GRK4: variants seen among roughly 807,000 people sequenced by gnomAD.
GRK4 encodes G protein-coupled receptor kinase 2-like.
Under a neutral mutation model 77.9 loss-of-function variants are expected in GRK4, and 73 were observed. That is an observed-to-expected ratio of 0.94 (90% confidence interval 0.78 to 1.14). The LOEUF (loss-of-function observed/expected upper bound fraction) is 1.14. GRK4 is among the 50% of genes most tolerant of loss of function. The pLI is 0.00. For synonymous variants in GRK4, 257 were observed against 254.4 expected, an observed-to-expected ratio of 1.01 and a Z score of -0.10; for missense variants, 729 against 700.2, an observed-to-expected ratio of 1.04 and a Z score of -0.46.
chr4:3,029,516 C>T (rs1738543961), intron 12 of GRK4, 107 bp downstream of exon 12: 10 of 887,376 alleles, frequency 1.1e-5, no homozygotes, highest in Non-Finnish European at 1.4e-5. Context: ...TCAGCAAGTC[C>T]TGGTCACCCA....
intron 1 of GRK4, among the ~76,000 whole-genome samples, chr4:2,969,845 T>C (rs1718954350): frequency 1.3e-5 from 2 of 151,988 alleles, no homozygotes; most frequent in Admixed American, 1.3e-4. Context: ...GCACAGATAA[T>C]TTTGTGGTTT....
chr4:3,036,511 C>T (rs1314520958), intron 13 of GRK4, among the ~76,000 whole-genome samples: 2 of 152,240 alleles, frequency 1.3e-5, no homozygotes, highest in African/African-American at 2.4e-5. Context: ...ACTGCGGGTG[C>T]CTCCGGCATG....
At chr4:2,975,609 T>A (rs1286080507) in intron 1 of GRK4, among the ~76,000 whole-genome samples, 1 of 152,086 alleles carries the variant, frequency 6.6e-6, no homozygotes, top group African/African-American at 2.4e-5. Flanking sequence ...CCAGGACATT[T>A]TCCTCCTTGA....
intron 4 of GRK4, among the ~76,000 whole-genome samples, chr4:2,998,720 G>A (rs1202392418): frequency 1.3e-5 from 2 of 152,040 alleles, no homozygotes; most frequent in Non-Finnish European, 2.9e-5. Context: ...AAGATCTCAA[G>A]AAATGGAAAG....
At position 3,027,952 on chromosome 4, in the gene GRK4, C is replaced by T. The variant is rs771525771; in HGVS notation, c.1011C>T (p.Ile337=). 6.2e-7 allele frequency: 1 copy of T among 1,614,056 alleles called. No individual in the cohort carries two copies. The highest frequency in any genetic ancestry group is 1.1e-5 in the South Asian group (1 of 91,056). The change falls in exon 11 of 16, where the codon ATC becomes ATT. Residue 337 remains isoleucine (I), a synonymous_variant. Transcript: ENST00000398052. ...CAGACCTCGGTTTGGCCACAGAGAT[C>T]CCAGAAGGACAGAGGGTTCGAGGAA... ...RISDLGLATE[I]PEGQRVRGRV... is the part of the protein sequence containing the mutation.
intron 10 of GRK4, among the ~76,000 whole-genome samples, chr4:3,026,359 C>A (rs1050157863): frequency 6.6e-6 from 1 of 151,960 alleles, no homozygotes; most frequent in African/African-American, 2.4e-5. Flanking sequence ...TTTAAAAATC[C>A]ATTTTTATAA....
At chr4:2,992,837 A>G (rs1726674832) in intron 4 of GRK4, among the ~76,000 whole-genome samples, 1 of 151,792 alleles carries the variant, frequency 6.6e-6, no homozygotes, top group Admixed American at 6.6e-5. Context: ...AAAAAAAATT[A>G]GCTAAGCATG....
chr4:3,035,024 G>A (rs901812106), intron 12 of GRK4, among the ~76,000 whole-genome samples: 7 of 152,214 alleles, frequency 4.6e-5, no homozygotes, highest in South Asian at 2.1e-4. Flanking sequence ...TTGGGAGGTC[G>A]AGGCGGGTGG....
chr4:3,034,685 C>A (rs190682966), intron 12 of GRK4, among the ~76,000 whole-genome samples: 3 of 152,148 alleles, frequency 2.0e-5, no homozygotes, highest in Admixed American at 6.6e-5. Context: ...TACTAGAATA[C>A]CAAAATATTA....
At chr4:2,983,675 T>C (rs1444702909) in intron 1 of GRK4, among the ~76,000 whole-genome samples, 1 of 152,162 alleles carries the variant, frequency 6.6e-6, no homozygotes, top group Non-Finnish European at 1.5e-5. Context: ...ACTATATGAT[T>C]AGCATTTTTT....
chr4:2,974,892 A>G (rs1215877296), intron 1 of GRK4, among the ~76,000 whole-genome samples: 1 of 152,224 alleles, frequency 6.6e-6, no homozygotes, highest in African/African-American at 2.4e-5. Context: ...ACTCTGCATA[A>G]TGGGAGTGCG....
Position 3,001,089 on chromosome 4 carries a change from A to ATATATATATATGTGTG in GRK4, c.340-3141_340-3140insATATATATATGTGTGT. Among the ~76,000 whole-genome samples, 143 of 82,404 alleles carry ATATATATATATGTGTG rather than the reference A, an allele frequency of 1.7e-3. 18 individuals are homozygous for ATATATATATATGTGTG. Among genetic ancestry groups the ATATATATATATGTGTG allele is most frequent in the African/African-American group, 7.2e-3 (124 of 17,192 alleles). The allele number at this position is 82,404 out of a possible 152,430, so 54.1% of individuals were successfully genotyped here. A position where few individuals can be genotyped will look rare whatever the true frequency, so the allele number is the denominator to read the frequency against. ...TAAATGAGACTATATATATATATAT[A>ATATATATATATGTGTG]TGTGTGTGTGTGTGTGTATATATAT... On this transcript the variant is annotated intron_variant, in intron 4 of 15. Coordinates refer to ENST00000398052, the MANE Select transcript of GRK4 (RefSeq NM_182982.3).
intron 11 of GRK4, among the ~76,000 whole-genome samples, chr4:3,028,569 C>A (rs558893944): frequency 5.9e-5 from 9 of 152,190 alleles, no homozygotes; most frequent in African/African-American, 2.2e-4. Flanking sequence ...GGAGGTGGAG[C>A]CTTCCCTAGA....
At chr4:2,981,210 C>G (rs1265888472) in intron 1 of GRK4, among the ~76,000 whole-genome samples, 1 of 152,240 alleles carries the variant, frequency 6.6e-6, no homozygotes, top group African/African-American at 2.4e-5. Context: ...CTCTTATCTC[C>G]TCTCTTCTCT....
chr4:2,987,240 T>C (rs147917618), intron 2 of GRK4: 196 of 435,206 alleles, frequency 4.5e-4, no homozygotes, highest in African/African-American at 3.4e-3. Context: ...ACAGGCTTTT[T>C]TTACGTAGCA....
chr4:2,965,822 T>C (rs933019442), intron 1 of GRK4: 4 of 260,052 alleles, frequency 1.5e-5, no homozygotes, highest in African/African-American at 4.4e-5. Context: ...GCAGTATGCG[T>C]TCTCAGCAGC....
At chr4:3,028,065 A>G (rs1738090581) in intron 11 of GRK4, 64 bp downstream of exon 11, 1 of 1,409,544 alleles carries the variant, frequency 7.1e-7, no homozygotes, top group Admixed American at 1.7e-5. Context: ...CTCAGAACAC[A>G]GAGAAATCCA....
chr4:3,012,169 C>T (rs1331924780), intron 7 of GRK4, among the ~76,000 whole-genome samples: 2 of 152,058 alleles, frequency 1.3e-5, no homozygotes, highest in South Asian at 2.1e-4. Flanking sequence ...TTTAAATTAA[C>T]GATAAAGAGA....
At chr4:3,022,226 CA>C (rs1307709821) in intron 9 of GRK4, among the ~76,000 whole-genome samples, 187 bp from the exon 10 acceptor site, 3 of 152,338 alleles carry the variant, frequency 2.0e-5, no homozygotes, top group Admixed American at 2.0e-4. Context: ...ACACTGTCGT[CA>C]CATGTGAGTT....
Sources: allele counts gnomAD v4.1 joint callset (sites outside exome capture counted in the v4.1 genomes callset), GRCh38; gene constraint gnomAD v4.1.1; transcripts MANE v1.5; gene names NCBI Gene and HGNC (gene_info 2026-07-23, HGNC 2026-07-21).